Variants in CLPB observed in about 807,000 individuals in gnomAD.
The protein encoded by CLPB is mitochondrial disaggregase.
CLPB carries 40 observed loss-of-function variants against 78.4 expected under a neutral mutation model. The ratio of observed to expected loss-of-function variants is 0.51; its 90% CI spans 0.40 to 0.66. CLPB has a LOEUF of 0.66. Among genes scored for constraint, CLPB ranks in the 30% least tolerant of loss-of-function variants. The pLI, the probability that CLPB is intolerant of heterozygous loss-of-function variation, is 0.00. For synonymous variants in CLPB, 333 were observed against 348.0 expected, an observed-to-expected ratio of 0.96 and a Z score of 0.48; for missense variants, 780 against 886.9, an observed-to-expected ratio of 0.88 and a Z score of 1.53.
chr11:72,359,941 G>A (rs1950802827), intron 4 of CLPB, among the ~76,000 whole-genome samples: 2 of 152,108 alleles, frequency 1.3e-5, no homozygotes, highest in Non-Finnish European at 2.9e-5. Flanking sequence ...AGGACTCTCT[G>A]GGTTGGGTGA....
chr11:72,359,990 C>G (rs1950803986), intron 4 of CLPB, among the ~76,000 whole-genome samples: 1 of 152,186 alleles, frequency 6.6e-6, no homozygotes, highest in Non-Finnish European at 1.5e-5. Context: ...TCCTGGTTTT[C>G]TTCTGCTGTT....
chr11:72,310,440 T>C (rs963220091), intron 7 of CLPB, among the ~76,000 whole-genome samples: 3 of 152,106 alleles, frequency 2.0e-5, no homozygotes, highest in Admixed American at 1.3e-4. Flanking sequence ...ACAGACCTCA[T>C]AGGTACCTGA....
intron 5 of CLPB, among the ~76,000 whole-genome samples, chr11:72,342,987 C>G (rs998292155): frequency 4.6e-5 from 7 of 152,196 alleles, no homozygotes; most frequent in African/African-American, 1.2e-4. Context: ...CTACGAGACC[C>G]CAACCACCCC....
intron 5 of CLPB, among the ~76,000 whole-genome samples, chr11:72,355,768 A>C (rs909296357): frequency 6.6e-6 from 1 of 152,110 alleles, no homozygotes; most frequent in Non-Finnish European, 1.5e-5. Flanking sequence ...TCCCAGCTCA[A>C]ATGGGGACTT....
chr11:72,305,806 C>G (rs903454051), intron 9 of CLPB, among the ~76,000 whole-genome samples: 6 of 152,232 alleles, frequency 3.9e-5, no homozygotes, highest in African/African-American at 1.4e-4. Context: ...TCTACATCAG[C>G]AAGTCAGTAG....
At chr11:72,405,615 A>T (rs1855686056) in intron 2 of CLPB, among the ~76,000 whole-genome samples, 4 of 151,994 alleles carry the variant, frequency 2.6e-5, no homozygotes, top group Admixed American at 1.3e-4. Flanking sequence ...CTTGCTGTGG[A>T]GCCTTTGAAA....
At chr11:72,382,326 G>C (rs1278208976) in intron 3 of CLPB, among the ~76,000 whole-genome samples, 1 of 152,086 alleles carries the variant, frequency 6.6e-6, no homozygotes, top group Non-Finnish European at 1.5e-5. Context: ...TCAGGCTCCA[G>C]GTCTGCCCCA....
At chr11:72,352,458 C>T (rs1565455716) in intron 5 of CLPB, 9 of 152,232 alleles carry the variant, frequency 5.9e-5, no homozygotes, top group Admixed American at 5.2e-4. Flanking sequence ...CTGCAATATT[C>T]TGAGTAAAGT....
intron 5 of CLPB, among the ~76,000 whole-genome samples, chr11:72,331,476 A>G (rs1950224920): frequency 6.6e-6 from 1 of 151,184 alleles, no homozygotes; most frequent in Non-Finnish European, 1.5e-5. Context: ...CCTGGGCTCA[A>G]GCAATCCTCC....
chr11:72,432,643 T>C (rs559600262), intron 1 of CLPB, among the ~76,000 whole-genome samples: 3 of 152,350 alleles, frequency 2.0e-5, no homozygotes, highest in Admixed American at 6.5e-5. Context: ...CTGGAAGTTA[T>C]AGGATTACAA....
intron 2 of CLPB, among the ~76,000 whole-genome samples, chr11:72,426,805 A>T (rs1441712533): frequency 6.6e-6 from 1 of 152,238 alleles, no homozygotes; most frequent in Non-Finnish European, 1.5e-5. Flanking sequence ...TATAGCCCAC[A>T]GACTTCTTCA....
chr11:72,397,589 T>C (rs1322025157), intron 3 of CLPB, among the ~76,000 whole-genome samples: 2 of 152,212 alleles, frequency 1.3e-5, no homozygotes, highest in Admixed American at 6.5e-5. Flanking sequence ...TGGTATCTCA[T>C]TGTGACTTGA....
intron 5 of CLPB, among the ~76,000 whole-genome samples, chr11:72,357,273 A>G (rs1950736428): frequency 6.6e-6 from 1 of 152,204 alleles, no homozygotes; most frequent in South Asian, 2.1e-4. Context: ...GCCAATGAGA[A>G]GATGATCTGG....
rs529078591 is a variant in CLPB at position 72,431,681 on chromosome 11, G to T, written c.404-1318C>A. On this transcript the variant is annotated intron_variant, in intron 1 of 15. Coordinates refer to ENST00000538039, the MANE Select transcript of CLPB (RefSeq NM_001258392.3). ...GGGAGGGGATCAAGCCTTCCTTAGA[G>T]ATGGCTATATCCACTCTCCCTTCAC... Among the ~76,000 whole-genome samples the T allele has an allele frequency of 2.6e-5, 4 of 152,240 alleles. No individual in the cohort carries two copies. The East Asian group carries it at 7.7e-4, about 29-fold the overall frequency.
At chr11:72,363,164 A>G (rs950810431) in intron 4 of CLPB, among the ~76,000 whole-genome samples, 19 of 151,826 alleles carry the variant, frequency 1.3e-4, no homozygotes, top group South Asian at 2.1e-4. Flanking sequence ...TCAAAAAAAA[A>G]AGAGAAAGTA....
intron 3 of CLPB, among the ~76,000 whole-genome samples, chr11:72,390,178 C>T (rs770121609): frequency 3.3e-5 from 5 of 151,986 alleles, no homozygotes; most frequent in Non-Finnish European, 7.4e-5. Context: ...TGGCTCATGC[C>T]TATAATCCCA....
intron 3 of CLPB, among the ~76,000 whole-genome samples, chr11:72,395,458 C>T (rs974282939): frequency 3.9e-5 from 6 of 152,212 alleles, no homozygotes; most frequent in Admixed American, 1.3e-4. Context: ...CTTTTACTAG[C>T]TGGACAACCT....
intron 3 of CLPB, among the ~76,000 whole-genome samples, chr11:72,394,956 G>A (rs908407539): frequency 2.6e-5 from 4 of 152,248 alleles, no homozygotes; most frequent in South Asian, 2.1e-4. Context: ...GTTCCCTGCC[G>A]GTTGCTTCTA....
Position 72,285,996 on chromosome 11 carries a change from A to C in CLPB, c.*7371T>G, listed in dbSNP as rs1459373770. ...AGATAGGCTGGAGTGCAGTGGCACG[A>C]TCTCATCTCACAGCAACCTCCACCT... On this transcript the variant is annotated 3_prime_UTR_variant, in exon 16 of 16. Transcript: ENST00000538039. 1 of 149,800 alleles carries C rather than the reference A, an allele frequency of 6.7e-6. No individual in the cohort carries two copies. Among genetic ancestry groups the C allele is most frequent in the African/African-American group, 2.5e-5 (1 of 40,356 alleles). The allele number at this position is 149,800 out of a possible 1,614,324, so 9.3% of individuals were successfully genotyped here. A position where few individuals can be genotyped will look rare whatever the true frequency, so the allele number is the denominator to read the frequency against.
Sources: gnomAD v4.1 joint callset for allele counts (sites outside exome capture counted in the v4.1 genomes callset) on GRCh38, gnomAD v4.1.1 for gene constraint, MANE v1.5 for transcripts, NCBI Gene and HGNC (gene_info 2026-07-23, HGNC 2026-07-21) for gene names.